The following TJP1 variants were observed in gnomAD, a reference collection of about 807,000 sequenced individuals.
TJP1 encodes the protein tight junction protein ZO-1.
TJP1 carries 43 observed loss-of-function variants against 194.2 expected under a neutral mutation model. The ratio of observed to expected loss-of-function variants is 0.22; its 90% CI spans 0.17 to 0.29. The LOEUF (loss-of-function observed/expected upper bound fraction) is 0.29. Among genes scored for constraint, TJP1 ranks in the 10% least tolerant of loss-of-function variants. The probability of loss-of-function intolerance (pLI) is 1.00; values close to 1 mark genes in which losing one functional copy is unlikely to be tolerated. For missense variants in TJP1, 1,971 were observed against 2,185.7 expected, an observed-to-expected ratio of 0.90 and a Z score of 1.96; for synonymous variants, 801 against 779.0, an observed-to-expected ratio of 1.03 and a Z score of -0.47.
chr15:29,803,065 T>G (rs1340798673), intron 1 of TJP1, among the ~76,000 whole-genome samples: 1 of 152,164 alleles, frequency 6.6e-6, no homozygotes, highest in Non-Finnish European at 1.5e-5. Flanking sequence ...TAAACATTAG[T>G]AGGGAATAAA....
intron 2 of TJP1, among the ~76,000 whole-genome samples, chr15:29,950,182 C>T (rs559248282): frequency 7.7e-6 from 1 of 129,236 alleles, no homozygotes; most frequent in African/African-American, 2.6e-5. Flanking sequence ...CTACCTCCAC[C>T]TCCACCACCA....
chr15:29,959,513 T>C (rs2056078451), intron 1 of TJP1, among the ~76,000 whole-genome samples: 1 of 152,112 alleles, frequency 6.6e-6, no homozygotes, highest in African/African-American at 2.4e-5. Flanking sequence ...CCACTGCGAC[T>C]ACTGTGGCCT....
chr15:29,727,528 T>A (rs1460685386), intron 16 of TJP1, among the ~76,000 whole-genome samples: 1 of 152,202 alleles, frequency 6.6e-6, no homozygotes, highest in Non-Finnish European at 1.5e-5. Context: ...TCTAAAAACC[T>A]TTCTATGAAG....
chr15:29,822,479 C>T (rs2050474496), upstream of TJP1: 2 of 984,854 alleles, frequency 2.0e-6, no homozygotes, highest in East Asian at 1.1e-4. Context: ...GCAAACCTGC[C>T]GGCCCGGCCC....
chr15:29,758,763 G>A (rs1248761791), intron 8 of TJP1: 1 of 152,088 alleles, frequency 6.6e-6, no homozygotes, highest in African/African-American at 2.4e-5. Context: ...GTGCCAGGAA[G>A]ATTTTTAGAA....
At chr15:29,881,041 C>T (rs1315389405) in intron 2 of TJP1, among the ~76,000 whole-genome samples, 3 of 152,118 alleles carry the variant, frequency 2.0e-5, no homozygotes, top group Non-Finnish European at 4.4e-5. Flanking sequence ...TGGCATTTTA[C>T]ACTCCCACCA....
chr15:29,813,428 C>A (rs1240823933), intron 1 of TJP1, among the ~76,000 whole-genome samples: 1 of 152,046 alleles, frequency 6.6e-6, no homozygotes, highest in African/African-American at 2.4e-5. Context: ...CTATTTTCTC[C>A]CGAAACCAAT....
intron 2 of TJP1, chr15:29,956,182 A>G: frequency 8.9e-7 from 1 of 1,119,724 alleles, no homozygotes. Flanking sequence ...TAAAATAAAA[A>G]CTTTCATACT....
intron 8 of TJP1, among the ~76,000 whole-genome samples, chr15:29,757,752 C>T (rs1476927375): frequency 2.6e-5 from 4 of 152,178 alleles, no homozygotes; most frequent in African/African-American, 7.2e-5. Context: ...TACTTTCTAA[C>T]CATTAGTTCC....
intron 8 of TJP1, among the ~76,000 whole-genome samples, chr15:29,753,210 G>A (rs1210573628): frequency 1.3e-5 from 2 of 151,774 alleles, no homozygotes; most frequent in South Asian, 2.1e-4. Context: ...ATGGCCAGGC[G>A]CAGTGGCTCA....
intron 8 of TJP1, chr15:29,759,473 A>G (rs2045859032): frequency 6.6e-6 from 1 of 152,184 alleles, no homozygotes; most frequent in Non-Finnish European, 1.5e-5. Flanking sequence ...TACTTTTCTT[A>G]GTGTGTGTCA....
chr15:29,731,710 T>C (rs540879541), intron 15 of TJP1, among the ~76,000 whole-genome samples: 1 of 152,208 alleles, frequency 6.6e-6, no homozygotes, highest in Non-Finnish European at 1.5e-5. Context: ...AAAGTTGTTG[T>C]ATACTGTTAA....
chr15:29,760,371 T>C (rs1325343902), intron 8 of TJP1: 4 of 640,144 alleles, frequency 6.2e-6, no homozygotes, highest in Non-Finnish European at 1.1e-5. Flanking sequence ...TTGGCATAAA[T>C]ACTAGTGTTT....
At chr15:29,961,334 CTTTTTTTTTTTT>C (rs5811594) in intron 1 of TJP1, among the ~76,000 whole-genome samples, 3 of 89,818 alleles carry the variant, frequency 3.3e-5, no homozygotes, top group East Asian at 3.7e-4. Context: ...TTTCCTAATT[CTTTTTTTTTTTT>C]TTTTTTTTTT....
intron 2 of TJP1, among the ~76,000 whole-genome samples, chr15:29,926,378 G>A (rs147037350): frequency 3.9e-5 from 6 of 152,256 alleles, no homozygotes; most frequent in East Asian, 1.9e-4. Flanking sequence ...TTGGGAGACC[G>A]AGGCAGGTGG....
At chr15:29,826,603 G>T (rs180759039), upstream of TJP1, among the ~76,000 whole-genome samples, 2 of 152,274 alleles carry the variant, frequency 1.3e-5, no homozygotes, top group East Asian at 3.9e-4. Flanking sequence ...CCCCCCAAGG[G>T]TTATGAATTC....
At chr15:29,836,642 C>T (rs1220347533) in intron 2 of TJP1, among the ~76,000 whole-genome samples, 1 of 152,146 alleles carries the variant, frequency 6.6e-6, no homozygotes, top group Non-Finnish European at 1.5e-5. Flanking sequence ...CATAACATTG[C>T]TATGGTCTGA....
At chr15:29,772,431 T>C (rs1420879131) in intron 3 of TJP1, among the ~76,000 whole-genome samples, 4 of 152,172 alleles carry the variant, frequency 2.6e-5, no homozygotes, top group African/African-American at 9.7e-5. Context: ...AGATATCACA[T>C]ACACGAAATG....
chr15:29,808,212 G>A (rs987754190), intron 1 of TJP1, among the ~76,000 whole-genome samples: 26 of 152,164 alleles, frequency 1.7e-4, no homozygotes, highest in African/African-American at 6.0e-4. Context: ...AGTTTGCAGT[G>A]AGCCGAGATT....
Sources: gnomAD v4.1 joint callset for allele counts (sites outside exome capture counted in the v4.1 genomes callset) on GRCh38, gnomAD v4.1.1 for gene constraint, MANE v1.5 for transcripts, NCBI Gene and HGNC (gene_info 2026-07-23, HGNC 2026-07-21) for gene names.